The following ADGRV1 variants were observed in gnomAD, a reference collection of about 807,000 sequenced individuals.
ADGRV1 encodes G-protein coupled receptor 98.
A neutral mutation model predicts 596.2 loss-of-function variants in ADGRV1; 359 were observed. The ratio of observed to expected loss-of-function variants is 0.60; its 90% CI spans 0.55 to 0.66. ADGRV1 has a LOEUF of 0.66. Ranked by LOEUF, ADGRV1 falls within the 30% of genes least tolerant of loss-of-function variation. ADGRV1 has a pLI of 0.00. For synonymous variants in ADGRV1, 2,681 were observed against 2,679.2 expected, an observed-to-expected ratio of 1.00 and a Z score of -0.02; for missense variants, 7,274 against 7,575.6, an observed-to-expected ratio of 0.96 and a Z score of 1.48.
intron 87 of ADGRV1, among the ~76,000 whole-genome samples, chr5:91,106,599 T>A (rs1306302654): frequency 1.3e-5 from 2 of 152,198 alleles, no homozygotes; most frequent in Non-Finnish European, 2.9e-5. Flanking sequence ...TTCTGACCCA[T>A]GAGGAGCATG....
intron 60 of ADGRV1, among the ~76,000 whole-genome samples, chr5:90,774,910 G>T (rs1299873260): frequency 6.6e-6 from 1 of 152,086 alleles, no homozygotes; most frequent in Non-Finnish European, 1.5e-5. Context: ...ATTTTTAAAT[G>T]TGTCATATTA....
At chr5:90,915,058 G>A (rs1480343423) in intron 83 of ADGRV1, among the ~76,000 whole-genome samples, 2 of 151,902 alleles carry the variant, frequency 1.3e-5, no homozygotes, top group African/African-American at 4.8e-5. Flanking sequence ...TATTACTACT[G>A]TTATATTTTC....
Position 90,732,649 on chromosome 5 carries a change from A to G in ADGRV1, c.10549+2885A>G, listed in dbSNP as rs529399101. 3.3e-5 allele frequency among the ~76,000 whole-genome samples: 5 copies of G among 152,166 alleles called. No homozygotes were observed. In the South Asian group the frequency reaches 6.2e-4, roughly 19 times the overall value. On this transcript the variant is annotated intron_variant, in intron 50 of 89. Transcript: ENST00000405460. ...GGCCCCTGGCAAGCACAGTTCTACA[A>G]TTTGCTTTTTTGAGTTTGACTTTTT...
chr5:90,894,384 G>A (rs540779395), intron 83 of ADGRV1, among the ~76,000 whole-genome samples: 31 of 152,218 alleles, frequency 2.0e-4, no homozygotes, highest in South Asian at 1.5e-3. Context: ...TGCAGAATTG[G>A]ATGTAATTTT....
chr5:90,912,070 A>G (rs1353332630), intron 83 of ADGRV1, among the ~76,000 whole-genome samples: 1 of 152,062 alleles, frequency 6.6e-6, no homozygotes, highest in Non-Finnish European at 1.5e-5. Context: ...TGAAACATGT[A>G]AGTTTCCTAA....
Position 90,783,942 on chromosome 5 carries a change from C to A in ADGRV1, c.13538C>A (p.Pro4513His). Residue 4513 changes from proline to histidine, a missense_variant, in exon 67 of 90, where the codon CCC becomes CAC. Pro to His is a moderately conservative substitution (Grantham distance 77). Coordinates refer to ENST00000405460, the MANE Select transcript of ADGRV1 (RefSeq NM_032119.4). ...SRIIIAKSDSPFGVIRFLNQS... is the reference protein window; with the variant it reads ...SRIIIAKSDSHFGVIRFLNQS... ...ATCATAATAGCTAAGAGTGACTCTC[C>A]CTTTGGAGTTATAAGGTTTCTCAAT... 6.2e-7 allele frequency: 1 copy of A among 1,612,156 alleles called. No individual in the cohort carries two copies. The highest frequency in any genetic ancestry group is 1.1e-5 in the South Asian group (1 of 90,614).
In ADGRV1 at chr5:90,708,999, T is replaced by G. The variant is rs1748975373; in HGVS notation, c.8824+90T>G. On this transcript the variant is annotated intron_variant, in intron 39 of 89. Transcript: ENST00000405460. ...TGAATCAGAAGTGATCATTGTGCTG[T>G]TTTGTTAATCTTAGCTATGTGTTAA... 3.7e-5 allele frequency: 33 copies of G among 880,886 alleles called. No individual in the cohort carries two copies. In the East Asian group the frequency reaches 8.1e-4, roughly 22 times the overall value. The allele number at this position is 880,886 out of a possible 1,614,324, so 54.6% of individuals were successfully genotyped here. A position where few individuals can be genotyped will look rare whatever the true frequency, so the allele number is the denominator to read the frequency against.
intron 83 of ADGRV1, among the ~76,000 whole-genome samples, chr5:90,917,033 G>A (rs1388675155): frequency 1.3e-5 from 2 of 152,142 alleles, no homozygotes; most frequent in African/African-American, 2.4e-5. Context: ...CAATGGTGCA[G>A]TATCATTTGA....
At chr5:90,601,065 C>T (rs1012861488) in intron 1 of ADGRV1, among the ~76,000 whole-genome samples, 13 of 152,004 alleles carry the variant, frequency 8.6e-5, no homozygotes, top group Non-Finnish European at 1.6e-4. Context: ...GGAGTAATTT[C>T]GTCTCTACTA....
chr5:90,655,392 A>G (rs2149473075), intron 20 of ADGRV1: 1 of 152,298 alleles, frequency 6.6e-6, no homozygotes, highest in Non-Finnish European at 1.5e-5. Context: ...TCATTACCAT[A>G]TAGAATTATC....
At chr5:90,726,501 G>GA (rs774641660) in intron 48 of ADGRV1, among the ~76,000 whole-genome samples, 11 of 152,126 alleles carry the variant, frequency 7.2e-5, no homozygotes, top group Non-Finnish European at 1.3e-4. Flanking sequence ...GCTCACCAAT[G>GA]ACAACTGCAT....
chr5:90,934,105 T>G (rs1246507364), intron 83 of ADGRV1, among the ~76,000 whole-genome samples: 1 of 152,208 alleles, frequency 6.6e-6, no homozygotes, highest in Non-Finnish European at 1.5e-5. Context: ...TCTGTTCTTC[T>G]TGCTGGAAGT....
chr5:90,738,509 A>G (rs1753539773), intron 50 of ADGRV1, among the ~76,000 whole-genome samples: 1 of 152,058 alleles, frequency 6.6e-6, no homozygotes, highest in South Asian at 2.1e-4. Flanking sequence ...GTGGTAACAA[A>G]CTCTCTTAGC....
intron 83 of ADGRV1, among the ~76,000 whole-genome samples, chr5:90,938,817 G>T (rs1237919363): frequency 6.6e-6 from 1 of 152,128 alleles, no homozygotes; most frequent in East Asian, 1.9e-4. Flanking sequence ...CAAAGTATTG[G>T]TAGGAAAAGT....
At chr5:91,162,276 C>G (rs543092267) in intron 89 of ADGRV1, among the ~76,000 whole-genome samples, 1 of 152,028 alleles carries the variant, frequency 6.6e-6, no homozygotes, top group Non-Finnish European at 1.5e-5. Context: ...AGGACATAAT[C>G]CAGTGGGGGG....
At chr5:90,842,124 A>G (rs945341075) in intron 78 of ADGRV1, among the ~76,000 whole-genome samples, 60 of 152,216 alleles carry the variant, frequency 3.9e-4, no homozygotes, top group African/African-American at 1.3e-3. Context: ...CATATGATTT[A>G]GGGAAAATAT....
At chr5:90,855,692 C>T (rs1766957041) in intron 81 of ADGRV1, 49 bp from the exon 82 acceptor site, 2 of 1,342,596 alleles carry the variant, frequency 1.5e-6, no homozygotes, top group African/African-American at 1.5e-5. Flanking sequence ...ATCTCAACAC[C>T]TTCAGTATTG....
At chr5:90,756,821 A>G (rs1223827292) in intron 56 of ADGRV1, 158 bp from the exon 57 acceptor site, 3 of 732,046 alleles carry the variant, frequency 4.1e-6, no homozygotes, top group African/African-American at 1.8e-5. Context: ...ATTAAATATA[A>G]GAGTTCAGAA....
chr5:91,163,081 T>C (rs1444800817), intron 89 of ADGRV1, among the ~76,000 whole-genome samples: 2 of 152,232 alleles, frequency 1.3e-5, no homozygotes, highest in African/African-American at 4.8e-5. Context: ...AACAAGGTGT[T>C]ACTCTAGCAT....
Sources: allele counts gnomAD v4.1 joint callset (sites outside exome capture counted in the v4.1 genomes callset), GRCh38; gene constraint gnomAD v4.1.1; transcripts MANE v1.5; gene names NCBI Gene and HGNC (gene_info 2026-07-23, HGNC 2026-07-21).